The following NRG3 variants were observed in gnomAD, a reference collection of about 807,000 sequenced individuals.
NRG3 encodes the protein neuregulin 3, also known as pro-neuregulin-3, membrane-bound isoform.
In NRG3, 31 loss-of-function variants were observed where a neutral mutation model predicts 66.9. The observed-to-expected ratio is 0.46, with a 90% CI of 0.35 to 0.63. The LOEUF (loss-of-function observed/expected upper bound fraction) is 0.63, where lower values mean the gene tolerates loss of function less well. NRG3 is among the 20% of genes least tolerant of loss of function. The pLI is 0.00. For missense variants in NRG3, 910 were observed against 878.9 expected (o/e 1.04, Z -0.45); for synonymous variants, 393 against 359.4 (o/e 1.09, Z -1.06).
At chr10:82,301,689 T>TATATATAC (rs1467500490) in intron 1 of NRG3, among the ~76,000 whole-genome samples, 1 of 134,510 alleles carries the variant, frequency 7.4e-6, no homozygotes, top group Non-Finnish European at 1.6e-5. Context: ...TATATTCCTA[T>TATATATAC]ATATATATAT....
chr10:81,895,318 G>A (rs1843414713), intron 1 of NRG3, among the ~76,000 whole-genome samples: 1 of 152,116 alleles, frequency 6.6e-6, no homozygotes, highest in African/African-American at 2.4e-5. Flanking sequence ...AAAAAACCTT[G>A]AAAATGTTAT....
At chr10:82,380,169 T>G (rs191574063) in intron 2 of NRG3, among the ~76,000 whole-genome samples, 19 of 152,196 alleles carry the variant, frequency 1.2e-4, no homozygotes, top group Admixed American at 1.2e-3. Flanking sequence ...TACTTATGGC[T>G]TCAGGGATCT....
chr10:82,464,976 C>T (rs540767520), intron 2 of NRG3, among the ~76,000 whole-genome samples: 18 of 152,222 alleles, frequency 1.2e-4, no homozygotes, highest in South Asian at 8.3e-4. Context: ...TCATAGCTGC[C>T]GAGGGCTGCC....
At chr10:82,097,683 A>G (rs1375086256) in intron 1 of NRG3, among the ~76,000 whole-genome samples, 1 of 151,908 alleles carries the variant, frequency 6.6e-6, no homozygotes, top group Non-Finnish European at 1.5e-5. Flanking sequence ...TTCATAAGAA[A>G]CTGCCATACT....
chr10:82,212,613 C>T (rs910373595), intron 1 of NRG3, among the ~76,000 whole-genome samples: 1 of 152,244 alleles, frequency 6.6e-6, no homozygotes, highest in Non-Finnish European at 1.5e-5. Context: ...TGCCCAATAC[C>T]GATGTCTCTA....
At chr10:82,884,751 A>T (rs891307806) in intron 4 of NRG3, among the ~76,000 whole-genome samples, 1 of 152,174 alleles carries the variant, frequency 6.6e-6, no homozygotes, top group African/African-American at 2.4e-5. Context: ...CTTACTCTTC[A>T]TACTGCAAAG....
chr10:82,902,222 C>T (rs560023185), intron 4 of NRG3, among the ~76,000 whole-genome samples: 1 of 152,176 alleles, frequency 6.6e-6, no homozygotes, highest in South Asian at 2.1e-4. Flanking sequence ...CTCAGGAGGA[C>T]ACAGACTCCA....
intron 4 of NRG3, among the ~76,000 whole-genome samples, chr10:82,948,253 C>T (rs1849204571): frequency 6.6e-6 from 1 of 152,000 alleles, no homozygotes; most frequent in Admixed American, 6.6e-5. Context: ...TTTCAGAACG[C>T]TTTTATCTGT....
chr10:81,977,852 G>A (rs908840041), intron 1 of NRG3, among the ~76,000 whole-genome samples: 1 of 152,062 alleles, frequency 6.6e-6, no homozygotes, highest in Admixed American at 6.5e-5. Flanking sequence ...TAAGCTGGAG[G>A]ACATCAAAGC....
At chr10:82,888,040 T>C (rs1842861452) in intron 4 of NRG3, among the ~76,000 whole-genome samples, 1 of 152,196 alleles carries the variant, frequency 6.6e-6, no homozygotes, top group Non-Finnish European at 1.5e-5. Context: ...TTTTTAAAAA[T>C]AGAAACATAT....
At chr10:82,257,614 C>T (rs565137914) in intron 1 of NRG3, among the ~76,000 whole-genome samples, 7 of 151,968 alleles carry the variant, frequency 4.6e-5, no homozygotes, top group South Asian at 2.1e-4. Context: ...TAGAGATATA[C>T]GAAAATTAGC....
intron 1 of NRG3, among the ~76,000 whole-genome samples, chr10:82,200,040 G>A (rs1290400617): frequency 6.6e-6 from 1 of 151,898 alleles, no homozygotes; most frequent in Non-Finnish European, 1.5e-5. Context: ...ATTACACATA[G>A]GGTTGTCATA....
chr10:82,782,881 C>T (rs949545796), intron 3 of NRG3, among the ~76,000 whole-genome samples: 1 of 152,060 alleles, frequency 6.6e-6, no homozygotes, highest in Non-Finnish European at 1.5e-5. Flanking sequence ...ATCCTGATAC[C>T]AAAGACGGGC....
Position 81,877,729 on chromosome 10 carries a change from C to T in NRG3, c.823+1566C>T, listed in dbSNP as rs111908399. 2.0e-3 allele frequency: 2,718 copies of T among 1,359,542 alleles called. 32 individuals are homozygous for T. In the African/African-American group the frequency reaches 0.023, roughly 12 times the overall value. The allele number at this position is 1,359,542 out of a possible 1,614,324, so 84.2% of individuals were successfully genotyped here. A position where few individuals can be genotyped will look rare whatever the true frequency, so the allele number is the denominator to read the frequency against. On this transcript the variant is annotated intron_variant, in intron 1 of 8. Transcript: ENST00000372141. Reference sequence around the variant, plus strand: ...AGGAATCTGCCACAAACCAGAATGGCAGTAGAGCCAGTAACTTGCTGCTTC... The same window carrying T: ...AGGAATCTGCCACAAACCAGAATGGTAGTAGAGCCAGTAACTTGCTGCTTC...
chr10:82,459,790 G>A (rs2091433151), intron 2 of NRG3, among the ~76,000 whole-genome samples: 1 of 152,142 alleles, frequency 6.6e-6, no homozygotes, highest in African/African-American at 2.4e-5. Context: ...TCAGGAGCTG[G>A]AACACAGAAA....
intron 1 of NRG3, among the ~76,000 whole-genome samples, chr10:82,263,734 G>A (rs537142887): frequency 2.1e-4 from 32 of 152,168 alleles, no homozygotes; most frequent in Non-Finnish European, 2.8e-4. Context: ...CCTTTCCCAA[G>A]GGATGACATG....
intron 2 of NRG3, among the ~76,000 whole-genome samples, chr10:82,619,415 G>A (rs1717862005): frequency 1.3e-5 from 2 of 152,080 alleles, no homozygotes; most frequent in South Asian, 4.1e-4. Flanking sequence ...TGGGGACCAT[G>A]GAAACTAGCC....
chr10:82,272,661 G>A (rs1465099953), intron 1 of NRG3, among the ~76,000 whole-genome samples: 1 of 151,952 alleles, frequency 6.6e-6, no homozygotes, highest in South Asian at 2.1e-4. Flanking sequence ...TTTTGAGTTC[G>A]TTTTTAATAT....
chr10:82,670,953 G>T (rs1238302693), intron 2 of NRG3, among the ~76,000 whole-genome samples: 2 of 152,146 alleles, frequency 1.3e-5, no homozygotes, highest in African/African-American at 4.8e-5. Context: ...TTGAACAAGA[G>T]ATGAACCCTG....
Sources: gnomAD v4.1 joint callset for allele counts (sites outside exome capture counted in the v4.1 genomes callset) on GRCh38, gnomAD v4.1.1 for gene constraint, MANE v1.5 for transcripts, NCBI Gene and HGNC (gene_info 2026-07-23, HGNC 2026-07-21) for gene names.